Variants in CDH13 observed in about 807,000 individuals in gnomAD.
CDH13 encodes the protein cadherin 13, also known as cadherin-13.
Under a neutral mutation model 63.8 loss-of-function variants are expected in CDH13, and 24 were observed. The observed-to-expected ratio is 0.38, with a 90% CI of 0.27 to 0.53. The LOEUF (loss-of-function observed/expected upper bound fraction) is 0.53, where lower values mean the gene tolerates loss of function less well. Among genes scored for constraint, CDH13 ranks in the 20% least tolerant of loss-of-function variants. The pLI is 0.85. For synonymous variants in CDH13, 503 were observed against 355.3 expected, an observed-to-expected ratio of 1.42 and a Z score of -4.67; for missense variants, 1,049 against 903.1, an observed-to-expected ratio of 1.16 and a Z score of -2.07.
chr16:82,902,087 A>G (rs1473935457), intron 2 of CDH13, among the ~76,000 whole-genome samples: 1 of 152,194 alleles, frequency 6.6e-6, no homozygotes, highest in Non-Finnish European at 1.5e-5. Context: ...GTTTGCCTAT[A>G]TCAAACTGCC....
chr16:82,737,260 G>C (rs2033719957), intron 1 of CDH13, among the ~76,000 whole-genome samples: 1 of 152,184 alleles, frequency 6.6e-6, no homozygotes. Flanking sequence ...GGTCATCCAG[G>C]TGGAGACCTG....
intron 3 of CDH13, among the ~76,000 whole-genome samples, chr16:83,086,731 T>C (rs1394641126): frequency 6.6e-6 from 1 of 152,196 alleles, no homozygotes; most frequent in East Asian, 1.9e-4. Flanking sequence ...ATTCAGTTCA[T>C]AATATTGCTG....
intron 8 of CDH13, among the ~76,000 whole-genome samples, chr16:83,615,243 T>C (rs549658428): frequency 6.6e-6 from 1 of 152,178 alleles, no homozygotes; most frequent in Non-Finnish European, 1.5e-5. Context: ...AAGAGCTCTT[T>C]AACATCAGAT....
At chr16:83,502,848 G>C (rs976980226) in intron 7 of CDH13, among the ~76,000 whole-genome samples, 60 of 152,210 alleles carry the variant, frequency 3.9e-4, no homozygotes, top group African/African-American at 1.4e-3. Flanking sequence ...CAGTCCACTT[G>C]ACCAGATCTT....
chr16:83,702,875 C>T (rs555043946), intron 10 of CDH13, among the ~76,000 whole-genome samples: 35 of 152,342 alleles, frequency 2.3e-4, no homozygotes, highest in African/African-American at 7.9e-4. Context: ...TTGGGCTGCA[C>T]ACATATTACT....
At chr16:83,490,122 G>A (rs1267914858) in intron 7 of CDH13, among the ~76,000 whole-genome samples, 2 of 151,964 alleles carry the variant, frequency 1.3e-5, no homozygotes, top group African/African-American at 4.8e-5. Context: ...TGTTGGGAGT[G>A]GATACTCTGG....
chr16:82,917,069 C>T (rs947212037), intron 2 of CDH13, among the ~76,000 whole-genome samples: 4 of 152,136 alleles, frequency 2.6e-5, no homozygotes, highest in Non-Finnish European at 4.4e-5. Flanking sequence ...GTCTTTTAAA[C>T]CACTGTGACA....
At chr16:82,851,362 G>A (rs1029764992) in intron 1 of CDH13, among the ~76,000 whole-genome samples, 2 of 150,764 alleles carry the variant, frequency 1.3e-5, no homozygotes, top group Non-Finnish European at 3.0e-5. Flanking sequence ...TTGAACCCTG[G>A]AGGCGGAGGG....
intron 2 of CDH13, among the ~76,000 whole-genome samples, chr16:82,893,957 C>T (rs911481592): frequency 5.9e-5 from 9 of 152,190 alleles, no homozygotes; most frequent in African/African-American, 2.2e-4. Context: ...TCCTGCTCTA[C>T]TTTAATCCAG....
intron 1 of CDH13, among the ~76,000 whole-genome samples, chr16:82,809,319 A>G (rs1281200951): frequency 3.3e-5 from 5 of 151,872 alleles, no homozygotes; most frequent in African/African-American, 7.2e-5. Flanking sequence ...CGTCCAAAAA[A>G]AAAAAATCAC....
chr16:83,039,021 T>C lies in CDH13; in HGVS notation c.366+6803T>C, dbSNP rs77269569. Among the ~76,000 whole-genome samples, 162 of 152,292 alleles carry C rather than the reference T, an allele frequency of 1.1e-3. 3 individuals carry two copies. In the East Asian group the frequency reaches 0.025, roughly 24 times the overall value. On this transcript the variant is annotated intron_variant, in intron 3 of 13. Transcript: ENST00000567109. ...TACCTCCAGGCTTCGTCTTGAAACA[T>C]GGAAGCCCACACACTAAACAGTGGT...
At chr16:83,280,138 T>C (rs1213204794) in intron 5 of CDH13, among the ~76,000 whole-genome samples, 1 of 152,180 alleles carries the variant, frequency 6.6e-6, no homozygotes, top group African/African-American at 2.4e-5. Flanking sequence ...AAGGATTTCT[T>C]TTCCAAAATC....
At position 83,404,843 on chromosome 16, in the gene CDH13, G is replaced by A. The variant is rs149292418; in HGVS notation, c.781+59837G>A. 3.9e-3 allele frequency among the ~76,000 whole-genome samples: 601 copies of A among 152,244 alleles called. 4 individuals are homozygous for A. Among genetic ancestry groups the A allele is most frequent in the Middle Eastern group, 0.017 (5 of 294 alleles). On this transcript the variant is annotated intron_variant, in intron 6 of 13. Coordinates refer to ENST00000567109, the MANE Select transcript of CDH13 (RefSeq NM_001257.5). ...TCCTCACCAACAGGATCTGTCGGAC[G>A]CCGTGTATATAGTTCTTCCTCATTC...
chr16:82,751,020 A>C (rs566577596), intron 1 of CDH13, among the ~76,000 whole-genome samples: 1 of 152,200 alleles, frequency 6.6e-6, no homozygotes. Context: ...TCCCCAGCCA[A>C]CTTAACTGGG....
intron 2 of CDH13, chr16:82,953,434 T>C (rs1905583650): frequency 6.6e-6 from 1 of 152,196 alleles, no homozygotes; most frequent in South Asian, 2.1e-4. Flanking sequence ...CTGCAAGCTA[T>C]TTTAAATATT....
chr16:83,014,774 A>ATG (rs1209787544), intron 2 of CDH13, among the ~76,000 whole-genome samples: 1 of 36,312 alleles, frequency 2.8e-5, no homozygotes, highest in Non-Finnish European at 5.6e-5. Flanking sequence ...ATATATATAT[A>ATG]TGTATATATA....
rs571074404 is a variant in CDH13, at chr16:83,491,840, C to G, written c.960+5185C>G. Reference sequence around the variant, plus strand: ...TGTTTTGTATTTTCAGCTGGTAACGCACTTTCTGAAACTTTATAATGCCCA... The same window carrying G: ...TGTTTTGTATTTTCAGCTGGTAACGGACTTTCTGAAACTTTATAATGCCCA... On this transcript the variant is annotated intron_variant, in intron 7 of 13. Transcript: ENST00000567109. Among the ~76,000 whole-genome samples, 13 of 152,098 alleles carry G rather than the reference C, an allele frequency of 8.5e-5. No individual in the cohort carries two copies. In the South Asian group the frequency reaches 2.1e-3, roughly 24 times the overall value.
intron 2 of CDH13, among the ~76,000 whole-genome samples, chr16:83,029,649 G>T (rs59016554): frequency 0.16 from 23,932 of 152,076 alleles, 2,037 homozygotes; most frequent in South Asian, 0.2. Flanking sequence ...CACATTAGAT[G>T]CCATGCAAAT....
chr16:83,750,767 C>A (rs1036656614), intron 11 of CDH13, among the ~76,000 whole-genome samples: 4 of 152,134 alleles, frequency 2.6e-5, no homozygotes, highest in African/African-American at 4.8e-5. Context: ...TCCTCACATC[C>A]CTCAGCAGGA....
Sources: allele counts gnomAD v4.1 joint callset (sites outside exome capture counted in the v4.1 genomes callset), GRCh38; gene constraint gnomAD v4.1.1; transcripts MANE v1.5; gene names NCBI Gene and HGNC (gene_info 2026-07-23, HGNC 2026-07-21).